Variants in MAOA observed in about 807,000 individuals in gnomAD.
The protein encoded by MAOA is monoamine oxidase A, also known as amine oxidase [flavin-containing] A.
In MAOA, 6 loss-of-function variants were observed where a neutral mutation model predicts 42.0. That is an observed-to-expected ratio of 0.14 (90% CI 0.08 to 0.28). The LOEUF (loss-of-function observed/expected upper bound fraction) is 0.28. Among genes scored for constraint, MAOA ranks in the 10% least tolerant of loss-of-function variants. MAOA has a pLI of 1.00. For missense variants in MAOA, 262 were observed against 422.3 expected (o/e 0.62, Z 3.33); for synonymous variants, 140 against 154.0 (o/e 0.91, Z 0.67).
intron 3 of MAOA, 59 bp downstream of exon 3, chrX:43,693,487 T>C: frequency 8.7e-7 from 1 of 1,151,498 alleles, no homozygotes; most frequent in Non-Finnish European, 1.2e-6. Context: ...GAGAAAACAT[T>C]TGGTTTGTTT....
In MAOA at chrX:43,742,024, T is replaced by C. The variant is rs1291755850; in HGVS notation, c.1239T>C (p.Pro413=). The change falls in exon 12 of 15, where the codon CCT becomes CCC. Residue 413 remains proline, a synonymous_variant. Transcript: ENST00000338702. The part of the protein sequence containing the change: ...SGGCYTAYFP[P]GIMTQYGRVI... ...GCTGCTACACGGCCTACTTCCCTCC[T>C]GGGATCATGACTCAATATGGAAGGT... 8.3e-7 allele frequency: 1 copy of C among 1,211,718 alleles called. No homozygotes were observed. The highest frequency in any genetic ancestry group is 2.2e-5 in the Admixed American group (1 of 45,990).
At position 43,732,944 on chromosome X, in the gene MAOA, C is replaced by T. The variant is rs1174088408; in HGVS notation, c.1052+149C>T. ...AATGTTTCCATGTGTTAAAATATTG[C>T]AGTAATGTTTCGTATGTAGCACAAG... is the stretch of plus-strand genomic sequence containing the variant. On this transcript the variant is annotated intron_variant, in intron 9 of 14. Transcript: ENST00000338702. 2.0e-5 allele frequency: 10 copies of T among 503,420 alleles called. No homozygotes were observed. The East Asian group carries it at 3.6e-4, about 18-fold the overall frequency. 41.5% of individuals were successfully genotyped at this position (503,420 alleles called of 1,213,427 possible). A position where few individuals can be genotyped will look rare whatever the true frequency, so the allele number is the denominator to read the frequency against.
intron 9 of MAOA, among the ~76,000 whole-genome samples, chrX:43,734,672 T>C (rs1032329471): frequency 1.8e-5 from 2 of 112,038 alleles, no homozygotes; most frequent in Non-Finnish European, 3.8e-5. Flanking sequence ...ACTTTAGAAC[T>C]GTGAAATGTT....
In MAOA at chrX:43,744,599, C is replaced by A; in HGVS notation, c.*86C>A. The A allele has an allele frequency of 9.6e-7, 1 of 1,045,101 alleles. No homozygotes were observed. Among genetic ancestry groups the A allele is most frequent in the Non-Finnish European group, 1.3e-6 (1 of 746,617 alleles). The allele number at this position is 1,045,101 out of a possible 1,213,427, so 86.1% of individuals were successfully genotyped here. A position where few individuals can be genotyped will look rare whatever the true frequency, so the allele number is the denominator to read the frequency against. Reference sequence around the variant, plus strand: ...CAAGTTTAAAGGCTGTGTCATTGGGCCATGTTTAAGTGTACTGGATTTAAC... The same window carrying A: ...CAAGTTTAAAGGCTGTGTCATTGGGACATGTTTAAGTGTACTGGATTTAAC... On this transcript the variant is annotated 3_prime_UTR_variant, in exon 15 of 15. Coordinates refer to ENST00000338702, the MANE Select transcript of MAOA (RefSeq NM_000240.4).
chrX:43,676,769 ATGTGTGTGTG>A (rs761762083), intron 1 of MAOA, among the ~76,000 whole-genome samples: 1 of 103,344 alleles, frequency 9.7e-6, no homozygotes, highest in Non-Finnish European at 2.0e-5. Context: ...CATACAAAAA[ATGTGTGTGTG>A]TGTGTGTGTG....
Position 43,728,179 on chromosome X carries a change from T to C in MAOA, c.510T>C (p.Ala170=). ...ACTTTTGTTCTATGAACAGGACTGC[T>C]AGGCGGTTTGCTTATCTTTTTGTGA... The part of the protein sequence containing the change: ...LIDKICWTKT[A]RRFAYLFVNI... Residue 170 remains alanine (A), a synonymous_variant, in exon 6 of 15, where the codon GCT becomes GCC. Coordinates refer to ENST00000338702, the MANE Select transcript of MAOA (RefSeq NM_000240.4). 3 of 1,210,874 alleles carry C rather than the reference T, an allele frequency of 2.5e-6. No homozygotes were observed. The highest frequency in any genetic ancestry group is 3.4e-6 in the Non-Finnish European group (3 of 894,678).
At chrX:43,672,826 T>A (rs2033350064) in intron 1 of MAOA, among the ~76,000 whole-genome samples, 1 of 111,627 alleles carries the variant, frequency 9.0e-6, no homozygotes, top group Non-Finnish European at 1.9e-5. Context: ...CTTTTTGATG[T>A]GCTGCTGGAT....
intron 6 of MAOA, among the ~76,000 whole-genome samples, chrX:43,728,959 T>A (rs1039688513): frequency 8.8e-6 from 1 of 113,301 alleles, no homozygotes; most frequent in Non-Finnish European, 1.9e-5. Flanking sequence ...GCTTCAACCC[T>A]TTCTGTTATC....
chrX:43,699,646 A>AT lies in MAOA; in HGVS notation c.306+6229dup, dbSNP rs372833375. ...TGCTGACAGTAACAGCTCAGCAAGA[A>AT]TTTTTTTTTTTCTTTTTGTATTGGT... On this transcript the variant is annotated intron_variant, in intron 3 of 14. Coordinates refer to ENST00000338702, the MANE Select transcript of MAOA (RefSeq NM_000240.4). 6.9e-3 allele frequency among the ~76,000 whole-genome samples: 742 copies of AT among 107,133 alleles called. 7 individuals are homozygous for AT. Among genetic ancestry groups the AT allele is most frequent in the African/African-American group, 0.024 (700 of 29,524 alleles). 93.0% of individuals were successfully genotyped at this position (107,133 alleles called of 115,157 possible).
chrX:43,731,118 T>C, intron 6 of MAOA, 123 bp from the exon 7 acceptor site: 1 of 641,869 alleles, frequency 1.6e-6, no homozygotes, highest in Non-Finnish European at 2.6e-6. Flanking sequence ...TTCTGACAGT[T>C]AAGTGTGCAG....
chrX:43,713,765 A>G (rs1214472441), intron 5 of MAOA, among the ~76,000 whole-genome samples: 1 of 111,965 alleles, frequency 8.9e-6, no homozygotes, highest in Non-Finnish European at 1.9e-5. Context: ...GTCTGAGGGT[A>G]CAGGAAGCAT....
intron 1 of MAOA, among the ~76,000 whole-genome samples, chrX:43,675,880 C>T (rs1173351767): frequency 2.7e-5 from 3 of 112,017 alleles, no homozygotes; most frequent in Non-Finnish European, 5.6e-5. Flanking sequence ...TTAGGCTGCT[C>T]GGGGGTCAGG....
At chrX:43,699,904 G>A (rs1270099224) in intron 3 of MAOA, among the ~76,000 whole-genome samples, 2 of 111,727 alleles carry the variant, frequency 1.8e-5, no homozygotes, top group African/African-American at 6.5e-5. Flanking sequence ...ATTTCTTTTG[G>A]ATATGCGACA....
At chrX:43,736,836 C>G (rs2033924019) in intron 10 of MAOA, among the ~76,000 whole-genome samples, 1 of 106,011 alleles carries the variant, frequency 9.4e-6, no homozygotes, top group Non-Finnish European at 1.9e-5. Context: ...GTTTTGGAAT[C>G]CTTTGTTCAA....
intron 5 of MAOA, among the ~76,000 whole-genome samples, chrX:43,716,454 G>A (rs1469174565): frequency 8.9e-6 from 1 of 112,010 alleles, no homozygotes; most frequent in African/African-American, 3.2e-5. Flanking sequence ...AGTGGATAAT[G>A]TAGGGGAAAT....
chrX:43,741,331 G>C (rs754316334), intron 11 of MAOA, among the ~76,000 whole-genome samples: 2 of 111,185 alleles, frequency 1.8e-5, no homozygotes, highest in East Asian at 5.7e-4. Context: ...TCAGGGGCTT[G>C]TCTCTAAACT....
intron 3 of MAOA, among the ~76,000 whole-genome samples, chrX:43,696,515 G>A (rs1287992621): frequency 9.0e-6 from 1 of 111,572 alleles, no homozygotes; most frequent in Non-Finnish European, 1.9e-5. Context: ...AGATCATGAG[G>A]TCAGGAGATC....
At chrX:43,686,892 A>G (rs2033492410) in intron 2 of MAOA, among the ~76,000 whole-genome samples, 2 of 112,151 alleles carry the variant, frequency 1.8e-5, no homozygotes, top group Non-Finnish European at 1.9e-5. Context: ...TTCTAATAAC[A>G]TAATCAATTA....
chrX:43,740,043 A>G (rs1336477999), intron 10 of MAOA, among the ~76,000 whole-genome samples: 1 of 112,249 alleles, frequency 8.9e-6, no homozygotes, highest in African/African-American at 3.2e-5. Flanking sequence ...TATGAGAATA[A>G]CCAAAGGCTG....
Sources: gnomAD v4.1 joint callset for allele counts (sites outside exome capture counted in the v4.1 genomes callset) on GRCh38, gnomAD v4.1.1 for gene constraint, MANE v1.5 for transcripts, NCBI Gene and HGNC (gene_info 2026-07-23, HGNC 2026-07-21) for gene names.